IL36RN: variants seen among roughly 807,000 people sequenced by gnomAD.
IL36RN encodes interleukin-36 receptor antagonist protein.
In IL36RN, 11 loss-of-function variants were observed where a neutral mutation model predicts 13.0. The observed-to-expected ratio is 0.85, with a 90% confidence interval of 0.53 to 1.40. IL36RN has a LOEUF of 1.40. Among genes scored for constraint, IL36RN ranks in the 40% most tolerant of loss-of-function variants. IL36RN has a pLI of 0.00. For missense variants in IL36RN, 195 were observed against 195.3 expected, an observed-to-expected ratio of 1.00 and a Z score of 0.01; for synonymous variants, 94 against 84.1, an observed-to-expected ratio of 1.12 and a Z score of -0.64.
chr2:113,063,683 G>A lies in IL36RN; in HGVS notation c.*1006G>A, dbSNP rs1012453256. 6.6e-5 allele frequency: 10 copies of A among 152,148 alleles called. No individual in the cohort carries two copies. The highest frequency in any genetic ancestry group is 1.2e-4 in the Non-Finnish European group (8 of 68,032). The allele number at this position is 152,148 out of a possible 1,614,324, so 9.4% of individuals were successfully genotyped here. A position where few individuals can be genotyped will look rare whatever the true frequency, so the allele number is the denominator to read the frequency against. ...CCCCAGAGTAAATTCAAATTGAATC[G>A]AGCTCTGCTGCTCTGGTTGGTTGTA... is the stretch of plus-strand genomic sequence containing the variant. On this transcript the variant is annotated 3_prime_UTR_variant, in exon 5 of 5. Transcript: ENST00000393200.
chr2:113,060,356 C>T (rs1318688523), intron 2 of IL36RN, among the ~76,000 whole-genome samples: 3 of 152,168 alleles, frequency 2.0e-5, no homozygotes, highest in East Asian at 3.8e-4. Flanking sequence ...TTTAAAGAAA[C>T]TCCTCACTTA....
At chr2:113,060,743 GAAGA>G (rs1272081680) in intron 2 of IL36RN, 105 bp from the exon 3 acceptor site, 5 of 785,196 alleles carry the variant, frequency 6.4e-6, no homozygotes, top group Admixed American at 2.0e-5. Context: ...GGCACAGTAG[GAAGA>G]AAGAGAGACA....
intron 4 of IL36RN, 72 bp downstream of exon 4, chr2:113,062,323 G>C: frequency 1.2e-6 from 2 of 1,609,060 alleles, no homozygotes; most frequent in Non-Finnish European, 8.5e-7. Flanking sequence ...GCAGCCCACA[G>C]CCCTGGTGCT....
chr2:113,061,912 G>A (rs1225763780), intron 3 of IL36RN, among the ~76,000 whole-genome samples: 1 of 152,180 alleles, frequency 6.6e-6, no homozygotes, highest in Non-Finnish European at 1.5e-5. Flanking sequence ...ACTAGAGGGT[G>A]GAGTGGAGGT....
intron 3 of IL36RN, 137 bp from the exon 4 acceptor site, chr2:113,061,987 G>A: frequency 8.5e-7 from 1 of 1,170,606 alleles, no homozygotes; most frequent in Middle Eastern, 2.1e-4. Context: ...GCCATGTCAT[G>A]ACAGCTGCTG....
In IL36RN at chr2:113,062,913, T is replaced by G; in HGVS notation, c.*236T>G. Reference sequence around the variant, plus strand: ...CTGCTGTGGAATCTTGTAAAAACCATGTGGGGTAAACTGGGAATAACATGA... The same window carrying G: ...CTGCTGTGGAATCTTGTAAAAACCAGGTGGGGTAAACTGGGAATAACATGA... On this transcript the variant is annotated 3_prime_UTR_variant, in exon 5 of 5. Transcript: ENST00000393200. The G allele has an allele frequency of 3.6e-6, 2 of 559,076 alleles. No homozygotes were observed. Among genetic ancestry groups the G allele is most frequent in the Non-Finnish European group, 6.4e-6 (2 of 310,646 alleles). 34.6% of individuals were successfully genotyped at this position (559,076 alleles called of 1,614,324 possible).
rs1489262806 is a variant in IL36RN at position 113,059,468 on chromosome 2, G to A, written c.29+1G>A. The A allele has an allele frequency of 4.3e-6, 7 of 1,613,882 alleles. No homozygotes were observed. In the South Asian group the frequency reaches 7.7e-5, roughly 18 times the overall value. On this transcript the variant is annotated splice_donor_variant, in intron 2 of 4. Transcript: ENST00000393200. LOFTEE classifies it high-confidence loss of function. ...TCCTGAGTGGGGCGCTGTGCTTCCG[G>A]TGAGTGTATGAGGCCCTGGTTTGGT...
Position 113,062,794 on chromosome 2 carries a change from T to G in IL36RN, c.*117T>G. 2 of 912,996 alleles carry G rather than the reference T, an allele frequency of 2.2e-6. No homozygotes were observed. The highest frequency in any genetic ancestry group is 3.5e-6 in the Non-Finnish European group (2 of 579,582). 56.6% of individuals were successfully genotyped at this position (912,996 alleles called of 1,614,324 possible). A position where few individuals can be genotyped will look rare whatever the true frequency, so the allele number is the denominator to read the frequency against. On this transcript the variant is annotated 3_prime_UTR_variant, in exon 5 of 5. Coordinates refer to ENST00000393200, the MANE Select transcript of IL36RN (RefSeq NM_012275.3). ...CTCAGGACCCCCACGTCTGACTTAG[T>G]GGGCACCTGACCACTTTGTCTTCTG...
rs768524632 is a variant in IL36RN, at chr2:113,059,223, G to A, written c.-46G>A. The stretch of plus-strand genomic sequence containing the variant: ...AGGCAGACTCCACAGCTCCCGCCAG[G>A]AGAAAGGAACATTCTGAGGTATGCT... On this transcript the variant is annotated 5_prime_UTR_variant, in exon 1 of 5. Transcript: ENST00000393200. The A allele has an allele frequency of 1.6e-6, 1 of 626,712 alleles. No individual in the cohort carries two copies. The allele number at this position is 626,712 out of a possible 1,614,324, so 38.8% of individuals were successfully genotyped here.
intron 3 of IL36RN, 23 bp from the exon 4 acceptor site, chr2:113,062,101 T>A: frequency 2.5e-6 from 4 of 1,612,968 alleles, no homozygotes; most frequent in Non-Finnish European, 2.5e-6. Flanking sequence ...TCCAGGGCCC[T>A]GCATCTGGCC....
chr2:113,058,692 A>G (rs1389010500), upstream of IL36RN: 1 of 152,436 alleles, frequency 6.6e-6, no homozygotes, highest in Non-Finnish European at 1.5e-5. Flanking sequence ...GGCAGGAAAG[A>G]CAGAGGAAGG....
chr2:113,064,145 G>A lies in IL36RN; in HGVS notation c.*1468G>A, dbSNP rs1464406633. The A allele has an allele frequency of 2.0e-5, 3 of 152,144 alleles. No homozygotes were observed. The highest frequency in any genetic ancestry group is 4.4e-5 in the Non-Finnish European group (3 of 68,032). 9.4% of individuals were successfully genotyped at this position (152,144 alleles called of 1,614,324 possible). On this transcript the variant is annotated 3_prime_UTR_variant, in exon 5 of 5. Coordinates refer to ENST00000393200, the MANE Select transcript of IL36RN (RefSeq NM_012275.3). ...GCAGCCACAAGCTAAGAAACACCAA[G>A]GATTGTGGCAACCATCAGAAGCTTG...
chr2:113,059,397 T>A lies in IL36RN; in HGVS notation c.-27-15T>A. On this transcript the variant is annotated splice_polypyrimidine_tract_variant and intron_variant, in intron 1 of 4. Coordinates refer to ENST00000393200, the MANE Select transcript of IL36RN (RefSeq NM_012275.3). ...CCTCTCTCTCCATGATTTTCTGTTGTTTATTCCAAAATAGGGGAGTCTACA... is the reference window on the plus strand; with the variant it reads ...CCTCTCTCTCCATGATTTTCTGTTGATTATTCCAAAATAGGGGAGTCTACA... 1 of 1,612,698 alleles carries A rather than the reference T, an allele frequency of 6.2e-7. No homozygotes were observed. The highest frequency in any genetic ancestry group is 8.5e-7 in the Non-Finnish European group (1 of 1,179,020).
Position 113,062,271 on chromosome 2 carries a change from C to T in IL36RN, c.243+20C>T, listed in dbSNP as rs764733773. The T allele has an allele frequency of 8.1e-6, 13 of 1,613,580 alleles. No individual in the cohort carries two copies. In the Admixed American group the frequency reaches 1.2e-4, roughly 14 times the overall value. Reference sequence around the variant, plus strand: ...CTAGAGGTGAGACTTGGGGCATCCTCACTGGGGACTCAGCCACAGATGCTG... The same window carrying T: ...CTAGAGGTGAGACTTGGGGCATCCTTACTGGGGACTCAGCCACAGATGCTG... On this transcript the variant is annotated intron_variant, in intron 4 of 4. Coordinates refer to ENST00000393200, the MANE Select transcript of IL36RN (RefSeq NM_012275.3).
chr2:113,060,776 G>T (rs1685625738), intron 2 of IL36RN, 76 bp from the exon 3 acceptor site: 1 of 993,268 alleles, frequency 1.0e-6, no homozygotes, highest in Non-Finnish European at 1.6e-6. Flanking sequence ...GAGATCAGGG[G>T]GTTCTCTGGA....
rs1469520142 is a variant in IL36RN, at chr2:113,062,863, G to T, written c.*186G>T. 43 of 658,600 alleles carry T rather than the reference G, an allele frequency of 6.5e-5. 1 individual carries two copies. The South Asian group carries it at 7.2e-4, about 11-fold the overall frequency. 40.8% of individuals were successfully genotyped at this position (658,600 alleles called of 1,614,324 possible). On this transcript the variant is annotated 3_prime_UTR_variant, in exon 5 of 5. Coordinates refer to ENST00000393200, the MANE Select transcript of IL36RN (RefSeq NM_012275.3). ...TTCTGAGATTTGGAGCTCAGTCCAC[G>T]GTCCTCCCCCACTGGATGGTGCTAC...
Position 113,060,765 on chromosome 2 carries a change from T to C in IL36RN, c.30-87T>C, listed in dbSNP as rs144318099. 1,482 of 911,772 alleles carry C rather than the reference T, an allele frequency of 1.6e-3. 2 individuals carry two copies. The highest frequency in any genetic ancestry group is 2.3e-3 in the Non-Finnish European group (1,278 of 555,692). The allele number at this position is 911,772 out of a possible 1,614,324, so 56.5% of individuals were successfully genotyped here. ...TAGGAAGAAAGAGAGACAAAATGCC[T>C]GAGATCAGGGGGTTCTCTGGATCCA... On this transcript the variant is annotated intron_variant, in intron 2 of 4. Transcript: ENST00000393200.
rs770296703 is a variant in IL36RN at position 113,062,575 on chromosome 2, C to T, written c.366C>T (p.Cys122=). ...CTGCCTACCCGGGCTGGTTCCTGTG[C>T]ACGGTGCCTGAAGCCGATCAGCCTG... ...ESAAYPGWFL[C]TVPEADQPVR... The change falls in exon 5 of 5, where the codon TGC becomes TGT. Residue 122 remains cysteine, a synonymous_variant. Coordinates refer to ENST00000393200, the MANE Select transcript of IL36RN (RefSeq NM_012275.3). The T allele has an allele frequency of 2.5e-6, 4 of 1,613,966 alleles. No individual in the cohort carries two copies. The Admixed American group carries it at 5.0e-5, about 20-fold the overall frequency.
At chr2:113,060,671 T>C (rs907390331) in intron 2 of IL36RN, among the ~76,000 whole-genome samples, 181 bp from the exon 3 acceptor site, 1 of 152,046 alleles carries the variant, frequency 6.6e-6, no homozygotes, top group Non-Finnish European at 1.5e-5. Flanking sequence ...GACTGTGGGG[T>C]CATCCTCCTT....
Sources: allele counts gnomAD v4.1 joint callset (sites outside exome capture counted in the v4.1 genomes callset), GRCh38; gene constraint gnomAD v4.1.1; transcripts MANE v1.5; gene names NCBI Gene and HGNC (gene_info 2026-07-23, HGNC 2026-07-21).